Variants in LAMA2 observed in about 807,000 individuals in gnomAD.
The protein encoded by LAMA2 is laminin subunit alpha-2.
In LAMA2, 269 loss-of-function variants were observed where a neutral mutation model predicts 364.8. The observed-to-expected ratio is 0.74, with a 90% CI of 0.67 to 0.82. The LOEUF is 0.82. Among genes scored for constraint, LAMA2 ranks in the 40% least tolerant of loss-of-function variants. LAMA2 has a pLI of 0.00. For synonymous variants in LAMA2, 1,379 were observed against 1,370.6 expected (o/e 1.01, Z -0.14); for missense variants, 3,807 against 3,873.2 (o/e 0.98, Z 0.45).
intron 63 of LAMA2, 48 bp downstream of exon 63, chr6:129,512,541 G>A (rs1273530250): frequency 6.3e-7 from 1 of 1,593,958 alleles, no homozygotes; most frequent in African/African-American, 1.3e-5. Context: ...TGATATTGTT[G>A]ATGTGTAGAT....
chr6:129,275,359 T>TA (rs1173665072), intron 17 of LAMA2, among the ~76,000 whole-genome samples: 1 of 152,004 alleles, frequency 6.6e-6, no homozygotes, highest in East Asian at 1.9e-4. Context: ...AGTGCCTTGA[T>TA]AGTGATTATA....
At position 129,325,207 on chromosome 6, in the gene LAMA2, T is replaced by C. The variant is rs191059772; in HGVS notation, c.4177-3071T>C. 1.2e-3 allele frequency among the ~76,000 whole-genome samples: 188 copies of C among 152,234 alleles called. 1 individual carries two copies. The highest frequency in any genetic ancestry group is 4.4e-3 in the African/African-American group (184 of 41,526). On this transcript the variant is annotated intron_variant, in intron 28 of 64. Coordinates refer to ENST00000421865, the MANE Select transcript of LAMA2 (RefSeq NM_000426.4). ...ATATATTATGAAAATAAATTAAAGA[T>C]AGACGAGAGCAGAAGAAAATTGAGC...
At chr6:129,495,938 C>T (rs779226205) in intron 58 of LAMA2, among the ~76,000 whole-genome samples, 10 of 151,760 alleles carry the variant, frequency 6.6e-5, no homozygotes, top group Non-Finnish European at 1.0e-4. Context: ...GTAGATGAGA[C>T]AGAAGCAAAA....
chr6:129,424,394 A>G, intron 40 of LAMA2, among the ~76,000 whole-genome samples: 1 of 151,718 alleles, frequency 6.6e-6, no homozygotes, highest in East Asian at 1.9e-4. Context: ...AAAATTGAGA[A>G]CTTCTTCCCT....
intron 63 of LAMA2, among the ~76,000 whole-genome samples, chr6:129,513,929 T>TA (rs1786809358): frequency 6.6e-6 from 1 of 152,204 alleles, no homozygotes; most frequent in Admixed American, 6.5e-5. Flanking sequence ...GTTTAAAATT[T>TA]AAAAAATCCT....
intron 37 of LAMA2, among the ~76,000 whole-genome samples, chr6:129,394,904 G>A (rs906740143): frequency 6.6e-6 from 1 of 152,142 alleles, no homozygotes; most frequent in Non-Finnish European, 1.5e-5. Flanking sequence ...GGTCCTGTTT[G>A]GATTTTCCTT....
intron 12 of LAMA2, among the ~76,000 whole-genome samples, chr6:129,207,871 C>T (rs1482939572): frequency 6.6e-6 from 1 of 151,928 alleles, no homozygotes; most frequent in African/African-American, 2.4e-5. Flanking sequence ...TTAGTAATGT[C>T]TCAGAAGGTG....
chr6:129,460,644 T>G (rs1423983043), intron 49 of LAMA2, among the ~76,000 whole-genome samples: 1 of 152,068 alleles, frequency 6.6e-6, no homozygotes, highest in African/African-American at 2.4e-5. Flanking sequence ...GGGGTTTTTT[T>G]GTGTCTGTGA....
At position 129,469,464 on chromosome 6, in the gene LAMA2, G is replaced by A. The variant is rs76650277; in HGVS notation, c.7301-3750G>A. ...CTGACCATACTCAGTACTGGCAGAA[G>A]GTGGAGACACTGGAACTCATACACT... On this transcript the variant is annotated intron_variant, in intron 51 of 64. Coordinates refer to ENST00000421865, the MANE Select transcript of LAMA2 (RefSeq NM_000426.4). Among the ~76,000 whole-genome samples, 65 of 152,022 alleles carry A rather than the reference G, an allele frequency of 4.3e-4. No individual in the cohort carries two copies. The East Asian group carries it at 0.011, about 25-fold the overall frequency.
At chr6:128,902,282 A>T (rs925985188) in intron 1 of LAMA2, among the ~76,000 whole-genome samples, 2 of 152,218 alleles carry the variant, frequency 1.3e-5, no homozygotes, top group African/African-American at 4.8e-5. Context: ...ATAAAAATGG[A>T]CACAGAATGC....
chr6:129,089,993 C>A (rs2114856875), intron 3 of LAMA2, among the ~76,000 whole-genome samples: 1 of 152,194 alleles, frequency 6.6e-6, no homozygotes, highest in Non-Finnish European at 1.5e-5. Context: ...GCAGAGTTAA[C>A]CATTTATCAA....
chr6:129,235,821 G>A (rs1158389303), intron 12 of LAMA2, among the ~76,000 whole-genome samples: 1 of 151,964 alleles, frequency 6.6e-6, no homozygotes, highest in African/African-American at 2.4e-5. Flanking sequence ...CCTCTTTTGG[G>A]TTAAAAAGGC....
rs115892449 is a variant in LAMA2, at chr6:129,465,308, A to G, written c.7300+19A>G. ...AAACAAGGTGAGTTTTTACAGTAAT[A>G]ATGCAATATAGGCCTTAATCATGAA... On this transcript the variant is annotated intron_variant, in intron 51 of 64. Transcript: ENST00000421865. The G allele has an allele frequency of 7.3e-5, 116 of 1,587,018 alleles. 1 individual carries two copies. The African/African-American group carries it at 1.3e-3, about 18-fold the overall frequency.
chr6:129,230,766 T>C (rs1784627687), intron 12 of LAMA2, among the ~76,000 whole-genome samples: 2 of 152,000 alleles, frequency 1.3e-5, no homozygotes. Context: ...AAGATAGAGG[T>C]TAGATTTAAC....
At chr6:129,181,612 A>G (rs1283458278) in intron 10 of LAMA2, among the ~76,000 whole-genome samples, 1 of 151,920 alleles carries the variant, frequency 6.6e-6, no homozygotes, top group East Asian at 1.9e-4. Flanking sequence ...GAGATGAGAA[A>G]CTGCAGGATA....
chr6:129,467,876 A>G (rs1348204761), intron 51 of LAMA2, among the ~76,000 whole-genome samples: 1 of 151,838 alleles, frequency 6.6e-6, no homozygotes, highest in Non-Finnish European at 1.5e-5. Flanking sequence ...TCTTCCCCCA[A>G]TAGGTCTAAT....
At chr6:128,918,635 C>T (rs764395962) in intron 1 of LAMA2, among the ~76,000 whole-genome samples, 11 of 152,140 alleles carry the variant, frequency 7.2e-5, no homozygotes, top group South Asian at 2.1e-4. Flanking sequence ...TTCCACTACA[C>T]GAAACATTCC....
chr6:129,373,384 C>T (rs1778195316), intron 34 of LAMA2, among the ~76,000 whole-genome samples: 1 of 152,160 alleles, frequency 6.6e-6, no homozygotes, highest in African/African-American at 2.4e-5. Flanking sequence ...TACCAAGAGC[C>T]TTCACATACT....
At chr6:129,022,735 T>C (rs1582887789) in intron 1 of LAMA2, among the ~76,000 whole-genome samples, 1 of 152,284 alleles carries the variant, frequency 6.6e-6, no homozygotes, top group Admixed American at 6.5e-5. Context: ...TTTTCATAGC[T>C]ACAAACCGCC....
Sources: allele counts gnomAD v4.1 joint callset (sites outside exome capture counted in the v4.1 genomes callset), GRCh38; gene constraint gnomAD v4.1.1; transcripts MANE v1.5; gene names NCBI Gene and HGNC (gene_info 2026-07-23, HGNC 2026-07-21).